The following DCC variants were observed in gnomAD, a reference collection of about 807,000 sequenced individuals.
DCC encodes the protein DCC netrin 1 receptor.
DCC carries 58 observed loss-of-function variants against 172.5 expected under a neutral mutation model. That is an observed-to-expected ratio of 0.34 (90% CI 0.27 to 0.42). The LOEUF is 0.42. Among genes scored for constraint, DCC ranks in the 10% least tolerant of loss-of-function variants. The pLI is 1.00. For missense variants in DCC, 1,740 were observed against 1,791.0 expected, an observed-to-expected ratio of 0.97 and a Z score of 0.51; for synonymous variants, 709 against 644.5, an observed-to-expected ratio of 1.10 and a Z score of -1.52.
chr18:52,963,732 G>A (rs146845207), intron 5 of DCC, among the ~76,000 whole-genome samples: 75 of 152,162 alleles, frequency 4.9e-4, no homozygotes, highest in African/African-American at 1.7e-3. Flanking sequence ...ACACTTCCAG[G>A]AATGTTTTAA....
At chr18:52,871,148 A>G (rs1214853905) in intron 2 of DCC, among the ~76,000 whole-genome samples, 1 of 152,128 alleles carries the variant, frequency 6.6e-6, no homozygotes, top group African/African-American at 2.4e-5. Context: ...GCTGCTTAAA[A>G]TCTTATATAT....
chr18:53,408,765 C>T (rs529026875), intron 19 of DCC, among the ~76,000 whole-genome samples: 20 of 152,130 alleles, frequency 1.3e-4, no homozygotes, highest in African/African-American at 3.9e-4. Context: ...ATTATGATTA[C>T]GCAGATTTGG....
intron 5 of DCC, among the ~76,000 whole-genome samples, chr18:52,962,717 A>C (rs1257232139): frequency 5.5e-4 from 83 of 151,946 alleles, no homozygotes; most frequent in African/African-American, 2.0e-3. Context: ...AATGTCCAAC[A>C]ATGATAGACT....
intron 9 of DCC, among the ~76,000 whole-genome samples, chr18:53,200,417 T>A (rs976040376): frequency 6.6e-6 from 1 of 152,212 alleles, no homozygotes; most frequent in Non-Finnish European, 1.5e-5. Flanking sequence ...CATTTGTAAC[T>A]GTATATAAAA....
chr18:52,514,283 G>A (rs1438059824), intron 1 of DCC, among the ~76,000 whole-genome samples: 1 of 152,154 alleles, frequency 6.6e-6, no homozygotes, highest in African/African-American at 2.4e-5. Flanking sequence ...AGTTGGGAAT[G>A]TATTGAAAGA....
chr18:53,117,403 C>A (rs1320875120), intron 7 of DCC, among the ~76,000 whole-genome samples: 1 of 151,680 alleles, frequency 6.6e-6, no homozygotes, highest in Non-Finnish European at 1.5e-5. Context: ...GCTTCAGAAT[C>A]CAGACCAAAT....
intron 1 of DCC, among the ~76,000 whole-genome samples, chr18:52,591,918 A>G (rs1409769618): frequency 6.6e-6 from 1 of 151,672 alleles, no homozygotes; most frequent in Non-Finnish European, 1.5e-5. Context: ...CCAAAGGTCC[A>G]GGATTACCGG....
chr18:52,838,276 C>T (rs764461181), intron 2 of DCC, among the ~76,000 whole-genome samples: 13 of 151,884 alleles, frequency 8.6e-5, no homozygotes, highest in Non-Finnish European at 1.8e-4. Context: ...TTTGTTCTAC[C>T]AAGAATATTT....
In DCC at chr18:52,928,265, A is replaced by G. The variant is rs574565647; in HGVS notation, c.985+2895A>G. ...TTAGGTACTTGATGTTTAGTTTCCA[A>G]TGTGGGACACTGGGGCCTACTGAGA... On this transcript the variant is annotated intron_variant, in intron 5 of 28. Transcript: ENST00000442544. Among the ~76,000 whole-genome samples the G allele has an allele frequency of 6.6e-5, 10 of 152,172 alleles. No homozygotes were observed. The South Asian group carries it at 2.1e-3, about 32-fold the overall frequency.
At chr18:52,811,550 T>C (rs562769918) in intron 2 of DCC, among the ~76,000 whole-genome samples, 3 of 152,054 alleles carry the variant, frequency 2.0e-5, no homozygotes, top group Admixed American at 2.0e-4. Context: ...TAATTTGGAT[T>C]GAGTAAAATT....
At chr18:52,368,574 C>G (rs550226188) in intron 1 of DCC, among the ~76,000 whole-genome samples, 1 of 152,266 alleles carries the variant, frequency 6.6e-6, no homozygotes, top group South Asian at 2.1e-4. Context: ...ATTATCAAGT[C>G]AGAGTTGCTG....
At chr18:52,551,848 AT>A (rs796352351) in intron 1 of DCC, among the ~76,000 whole-genome samples, 10 of 152,172 alleles carry the variant, frequency 6.6e-5, no homozygotes, top group Admixed American at 2.6e-4. Flanking sequence ...CCTATCATGG[AT>A]TTCAACTATC....
chr18:52,946,457 C>T (rs1277811313), intron 5 of DCC, among the ~76,000 whole-genome samples: 1 of 151,882 alleles, frequency 6.6e-6, no homozygotes, highest in Non-Finnish European at 1.5e-5. Context: ...AACTTAGCAA[C>T]TTAAAATGAC....
At chr18:53,058,455 C>A (rs770473383) in intron 5 of DCC, among the ~76,000 whole-genome samples, 1 of 151,978 alleles carries the variant, frequency 6.6e-6, no homozygotes, top group Non-Finnish European at 1.5e-5. Context: ...TCCCATTACC[C>A]TTTAATTAGA....
intron 5 of DCC, among the ~76,000 whole-genome samples, chr18:53,002,516 T>C (rs1463516822): frequency 6.6e-6 from 1 of 152,070 alleles, no homozygotes; most frequent in Non-Finnish European, 1.5e-5. Flanking sequence ...GGTGAGATAA[T>C]TCACAATAGA....
chr18:52,700,820 C>T (rs1184853722), intron 1 of DCC, among the ~76,000 whole-genome samples: 6 of 152,116 alleles, frequency 3.9e-5, no homozygotes, highest in Admixed American at 2.6e-4. Context: ...ATCACCAGGA[C>T]AGAGAGTAAT....
chr18:53,290,642 A>G (rs1003272726), intron 12 of DCC, among the ~76,000 whole-genome samples: 1 of 148,064 alleles, frequency 6.8e-6, no homozygotes, highest in East Asian at 2.0e-4. Flanking sequence ...GTGGTTTCAT[A>G]AAAAAAAAAC....
intron 12 of DCC, among the ~76,000 whole-genome samples, chr18:53,280,346 T>C (rs1191017612): frequency 3.9e-5 from 6 of 152,158 alleles, no homozygotes; most frequent in Non-Finnish European, 7.4e-5. Context: ...CATTTGTAGG[T>C]TTTATTGTTG....
chr18:53,253,665 A>G (rs2056469837), intron 12 of DCC, among the ~76,000 whole-genome samples: 1 of 152,088 alleles, frequency 6.6e-6, no homozygotes, highest in Admixed American at 6.6e-5. Flanking sequence ...TATTGTTTCT[A>G]TTTTTAAATG....
Sources: allele counts gnomAD v4.1 joint callset (sites outside exome capture counted in the v4.1 genomes callset), GRCh38; gene constraint gnomAD v4.1.1; transcripts MANE v1.5; gene names NCBI Gene and HGNC (gene_info 2026-07-23, HGNC 2026-07-21).